Variants in CEP57L1 observed in about 807,000 individuals in gnomAD.
CEP57L1 encodes the protein centrosomal protein 57 like 1.
In CEP57L1, 37 loss-of-function variants were observed where a neutral mutation model predicts 61.0. That is an observed-to-expected ratio of 0.61 (90% CI 0.47 to 0.80). The LOEUF is 0.80. Ranked by LOEUF, CEP57L1 falls within the 30% of genes least tolerant of loss-of-function variation. CEP57L1 has a pLI of 0.00. For synonymous variants in CEP57L1, 137 were observed against 162.3 expected (o/e 0.84, Z 1.19); for missense variants, 422 against 524.7 (o/e 0.80, Z 1.91).
chr6:109,140,400 A>ACT (rs1771222694), intron 1 of CEP57L1: 1 of 122,462 alleles, frequency 8.2e-6, no homozygotes. Flanking sequence ...TGTTGTATTA[A>ACT]TTTTTTTTTT....
intron 9 of CEP57L1, among the ~76,000 whole-genome samples, chr6:109,160,228 T>C (rs996923179): frequency 6.6e-6 from 1 of 152,204 alleles, no homozygotes; most frequent in Non-Finnish European, 1.5e-5. Context: ...ACAACTGGAA[T>C]TCTTCCAAAG....
intron 1 of CEP57L1, among the ~76,000 whole-genome samples, chr6:109,125,492 C>CTATA (rs3081793): frequency 3.5e-5 from 5 of 143,076 alleles, no homozygotes; most frequent in East Asian, 4.0e-4. Flanking sequence ...TTTTTAAATG[C>CTATA]TATATATATA....
At chr6:109,095,799 T>C (rs1781621205) in intron 1 of CEP57L1, among the ~76,000 whole-genome samples, 1 of 152,128 alleles carries the variant, frequency 6.6e-6, no homozygotes, top group Non-Finnish European at 1.5e-5. Context: ...GGGAGCGGCC[T>C]AAGTAAGGCC....
intron 7 of CEP57L1, chr6:109,156,141 A>C (rs1327445756): frequency 3.6e-6 from 1 of 278,604 alleles, no homozygotes; most frequent in African/African-American, 2.3e-5. Context: ...AGGAACATAT[A>C]ATGGACAGTA....
chr6:109,150,151 G>A lies in CEP57L1; in HGVS notation c.374G>A (p.Arg125His), dbSNP rs570190412. ...ATACAGTTAAGCTCAGCCCAGTCTC[G>A]TTGTACTCTTCTAGAGAAGCAACTA... Reference protein sequence around the residue: ...ISIQLSSAQSRCTLLEKQLEY... With the variant: ...ISIQLSSAQSHCTLLEKQLEY... The change falls in exon 4 of 11, where the codon CGT (arginine) becomes CAT (histidine). Residue 125 changes from arginine (R) to histidine (H), a missense_variant. Physicochemically the swap from Arg to His is conservative, Grantham distance 29 (BLOSUM62 0). Coordinates refer to ENST00000517392, the MANE Select transcript of CEP57L1 (RefSeq NM_001271852.3). 112 of 1,609,302 alleles carry A rather than the reference G, an allele frequency of 7.0e-5. 2 individuals carry two copies. In the South Asian group the frequency reaches 8.0e-4, roughly 12 times the overall value.
In CEP57L1 at chr6:109,150,150, CGTT is replaced by C; in HGVS notation, c.376_378del (p.Cys126del). On this transcript the variant is annotated inframe_deletion, in exon 4 of 11. Transcript: ENST00000517392. ...TATACAGTTAAGCTCAGCCCAGTCT[CGTT>C]GTACTCTTCTAGAGAAGCAACTAGA... 1 of 1,608,716 alleles carries C rather than the reference CGTT, an allele frequency of 6.2e-7. No individual in the cohort carries two copies.
At chr6:109,126,070 A>G (rs1340642291) in intron 1 of CEP57L1, among the ~76,000 whole-genome samples, 3 of 152,194 alleles carry the variant, frequency 2.0e-5, no homozygotes, top group Admixed American at 2.0e-4. Flanking sequence ...AAAGTTGTTG[A>G]CCTAACAAAT....
chr6:109,150,867 T>C (rs918142428), intron 4 of CEP57L1, among the ~76,000 whole-genome samples: 4 of 151,992 alleles, frequency 2.6e-5, no homozygotes, highest in African/African-American at 9.7e-5. Context: ...GAAATAAAGA[T>C]ATTTTAAGAC....
intron 1 of CEP57L1, among the ~76,000 whole-genome samples, chr6:109,105,411 A>G (rs1384536913): frequency 6.6e-6 from 1 of 152,188 alleles, no homozygotes; most frequent in African/African-American, 2.4e-5. Flanking sequence ...TGTATAGTGA[A>G]TATTGGCATA....
intron 4 of CEP57L1, 99 bp from the exon 5 acceptor site, chr6:109,153,734 T>C: frequency 1.3e-6 from 1 of 750,628 alleles, no homozygotes; most frequent in Non-Finnish European, 2.4e-6. Flanking sequence ...TCTTAAGATA[T>C]TTATATTGTG....
In CEP57L1 at chr6:109,139,631, G is replaced by A. The variant is rs150210023; in HGVS notation, c.-3-5588G>A. Among the ~76,000 whole-genome samples the A allele has an allele frequency of 8.0e-3, 1,209 of 151,916 alleles. 19 individuals carry two copies. The highest frequency in any genetic ancestry group is 0.028 in the African/African-American group (1,151 of 41,404). On this transcript the variant is annotated intron_variant, in intron 1 of 10. Coordinates refer to ENST00000517392, the MANE Select transcript of CEP57L1 (RefSeq NM_001271852.3). ...TTCCCAAGTAGCTGGGACTACAGGC[G>A]CCTGCCACCACGCTCAGCCAATTTT...
Position 109,173,410 on chromosome 6 carries a change from C to T in CEP57L1, c.*10440C>T, listed in dbSNP as rs188933120. Among the ~76,000 whole-genome samples the T allele has an allele frequency of 3.4e-4, 51 of 149,574 alleles. No homozygotes were observed. Among genetic ancestry groups the T allele is most frequent in the African/African-American group, 1.2e-3 (48 of 40,924 alleles). On this transcript the variant is annotated 3_prime_UTR_variant, in exon 11 of 11. Transcript: ENST00000517392. Reference sequence around the variant, plus strand: ...TCTTTCCTTTCCTTCCCCCTCAGCCCGCCCCCTACCTTTCTTTTTTTTTTT... The same window carrying T: ...TCTTTCCTTTCCTTCCCCCTCAGCCTGCCCCCTACCTTTCTTTTTTTTTTT...
rs1378035745 is a variant in CEP57L1 at position 109,166,608 on chromosome 6, C to T, written c.*3638C>T. Among the ~76,000 whole-genome samples, 1 of 152,114 alleles carries T rather than the reference C, an allele frequency of 6.6e-6. No individual in the cohort carries two copies. The highest frequency in any genetic ancestry group is 6.5e-5 in the Admixed American group (1 of 15,284). On this transcript the variant is annotated 3_prime_UTR_variant, in exon 11 of 11. Transcript: ENST00000517392. ...GTGTTAGCCAGGATGGTCTGGATCT[C>T]CTGACCTCAGGTGATCCGCCCACCT...
rs1455900144 is a variant in CEP57L1, at chr6:109,146,974, C to T, written c.340+37C>T. 2.6e-6 allele frequency: 4 copies of T among 1,543,156 alleles called. No homozygotes were observed. The East Asian group carries it at 9.3e-5, about 36-fold the overall frequency. On this transcript the variant is annotated intron_variant, in intron 3 of 10. Transcript: ENST00000517392. ...AGTAGTTCTCAGAAACCGGGGGTTA[C>T]TGGAGTTTACAGTTCAAAAATAATA...
In CEP57L1 at chr6:109,168,988, G is replaced by A. The variant is rs1198604973; in HGVS notation, c.*6018G>A. The stretch of plus-strand genomic sequence containing the variant: ...CCTGTAAAATCTTAACACTTTAGGA[G>A]GCCGAGGCGGGCAGATTGCCTGAGC... On this transcript the variant is annotated 3_prime_UTR_variant, in exon 11 of 11. Transcript: ENST00000517392. 6.6e-6 allele frequency among the ~76,000 whole-genome samples: 1 copy of A among 150,966 alleles called. No individual in the cohort carries two copies. Among genetic ancestry groups the A allele is most frequent in the Non-Finnish European group, 1.5e-5 (1 of 67,760 alleles).
At chr6:109,150,391 G>A in intron 4 of CEP57L1, 152 bp downstream of exon 4, 2 of 869,894 alleles carry the variant, frequency 2.3e-6, no homozygotes, top group African/African-American at 1.7e-5. Flanking sequence ...GAAAGGAAAG[G>A]AAAATGGGGA....
At chr6:109,154,732 TTAAGA>T (rs1773038892) in intron 5 of CEP57L1, among the ~76,000 whole-genome samples, 1 of 152,122 alleles carries the variant, frequency 6.6e-6, no homozygotes, top group South Asian at 2.1e-4. Flanking sequence ...TTCCAAACAC[TTAAGA>T]TAAGGGATCC....
At chr6:109,125,260 T>A (rs1479611462) in intron 1 of CEP57L1, among the ~76,000 whole-genome samples, 1 of 152,074 alleles carries the variant, frequency 6.6e-6, no homozygotes, top group African/African-American at 2.4e-5. Context: ...TTTAAACACT[T>A]TAGGAGTCTT....
chr6:109,127,957 T>C (rs938643027), intron 1 of CEP57L1, among the ~76,000 whole-genome samples: 1 of 152,042 alleles, frequency 6.6e-6, no homozygotes, highest in African/African-American at 2.4e-5. Flanking sequence ...TTTTATAAAA[T>C]TTTGTCTCAA....
Sources: allele counts gnomAD v4.1 joint callset (sites outside exome capture counted in the v4.1 genomes callset), GRCh38; gene constraint gnomAD v4.1.1; transcripts MANE v1.5; gene names NCBI Gene and HGNC (gene_info 2026-07-23, HGNC 2026-07-21).